AGXT2: variants seen among roughly 807,000 people sequenced by gnomAD.
The protein encoded by AGXT2 is alanine--glyoxylate aminotransferase 2, mitochondrial.
In AGXT2, 61 loss-of-function variants were observed where a neutral mutation model predicts 62.5. That is an observed-to-expected ratio of 0.98 (90% CI 0.79 to 1.21). The LOEUF is 1.21. Ranked by LOEUF, AGXT2 falls within the 50% of genes most tolerant of loss-of-function variation. The pLI is 0.00. For synonymous variants in AGXT2, 243 were observed against 218.7 expected (o/e 1.11, Z -0.98); for missense variants, 666 against 641.5 (o/e 1.04, Z -0.41).
chr5:35,043,372 A>AATT (rs57832163), intron 1 of AGXT2, among the ~76,000 whole-genome samples: 3 of 152,168 alleles, frequency 2.0e-5, no homozygotes, highest in African/African-American at 7.2e-5. Context: ...TTAAAATGCT[A>AATT]ATTATTATTA....
At chr5:35,026,594 G>GAA (rs61293163) in intron 7 of AGXT2, 84 bp from the exon 8 acceptor site, 611 of 897,636 alleles carry the variant, frequency 6.8e-4, no homozygotes, top group African/African-American at 9.1e-4. Flanking sequence ...GGAAAAACAG[G>GAA]AAAAAAAAAA....
chr5:35,036,082 GA>G (rs112575088), intron 4 of AGXT2, among the ~76,000 whole-genome samples: 5 of 148,020 alleles, frequency 3.4e-5, no homozygotes, highest in African/African-American at 1.2e-4. Context: ...GTCTCAAAAA[GA>G]AAAAAAAAAG....
At chr5:35,033,095 T>A (rs1333474213) in intron 6 of AGXT2, 3 of 499,034 alleles carry the variant, frequency 6.0e-6, no homozygotes, top group African/African-American at 1.9e-5. Flanking sequence ...TCTGAAAGAA[T>A]AAGAATAATT....
At chr5:35,006,616 TG>T (rs1241475463) in intron 12 of AGXT2, among the ~76,000 whole-genome samples, 1 of 152,206 alleles carries the variant, frequency 6.6e-6, no homozygotes, top group East Asian at 1.9e-4. Context: ...TACCTCCTAC[TG>T]GCTCCACCTC....
At chr5:35,044,773 T>A (rs1768124254) in intron 1 of AGXT2, among the ~76,000 whole-genome samples, 1 of 152,208 alleles carries the variant, frequency 6.6e-6, no homozygotes, top group Non-Finnish European at 1.5e-5. Flanking sequence ...GGGTGGGTCT[T>A]CTTCCGCACG....
chr5:35,044,779 G>T (rs894885521), intron 1 of AGXT2, among the ~76,000 whole-genome samples: 2 of 152,114 alleles, frequency 1.3e-5, no homozygotes, highest in Non-Finnish European at 2.9e-5. Context: ...GTCTTCTTCC[G>T]CACGTTCGGG....
chr5:35,032,539 G>A (rs1198207089), intron 7 of AGXT2, among the ~76,000 whole-genome samples, 193 bp downstream of exon 7: 2 of 152,214 alleles, frequency 1.3e-5, no homozygotes, highest in Non-Finnish European at 2.9e-5. Flanking sequence ...CAGATGGTCT[G>A]AGAGTGAAGT....
chr5:35,016,450 A>T (rs1472702151), intron 9 of AGXT2, among the ~76,000 whole-genome samples: 1 of 152,248 alleles, frequency 6.6e-6, no homozygotes, highest in African/African-American at 2.4e-5. Context: ...ACACACAAGT[A>T]ACAACATTAC....
intron 1 of AGXT2, among the ~76,000 whole-genome samples, chr5:35,045,751 CTTTTTCTTTTTTCTTT>C (rs1554037179): frequency 7.5e-6 from 1 of 133,224 alleles, no homozygotes; most frequent in African/African-American, 2.8e-5. Flanking sequence ...TGGTTTTTTT[CTTTTTCTTTTTTCTTT>C]TTTTTTTTTT....
intron 9 of AGXT2, among the ~76,000 whole-genome samples, chr5:35,022,926 T>C (rs1391417821): frequency 6.6e-6 from 1 of 151,560 alleles, no homozygotes; most frequent in Non-Finnish European, 1.5e-5. Flanking sequence ...GAGTAGTAAT[T>C]GACGCCCAAA....
intron 11 of AGXT2, among the ~76,000 whole-genome samples, chr5:35,011,913 T>TAC (rs1491129932): frequency 2.6e-5 from 3 of 116,786 alleles, no homozygotes; most frequent in African/African-American, 3.7e-5. Flanking sequence ...AAATGTGGTG[T>TAC]ATACACACAC....
At chr5:35,043,525 A>G (rs1250716283) in intron 1 of AGXT2, among the ~76,000 whole-genome samples, 1 of 152,024 alleles carries the variant, frequency 6.6e-6, no homozygotes, top group Non-Finnish European at 1.5e-5. Context: ...ATGCCCAGGG[A>G]TGATTTCTTT....
chr5:35,034,234 C>T (rs7710234), intron 5 of AGXT2, among the ~76,000 whole-genome samples: 2,767 of 151,832 alleles, frequency 0.018, 78 homozygotes, highest in African/African-American at 0.064. Context: ...ACTTTTGCAC[C>T]GACCTAATGT....
rs2112272031 is a variant in AGXT2, at chr5:35,035,320, G to T, written c.487-4C>A. ...CACTGTTCACCAAGAAAATGACCTG[G>T]AGAGGAAAGGAAGACACGTGGCCTC... is the stretch of plus-strand genomic sequence containing the variant. On this transcript the variant is annotated splice_polypyrimidine_tract_variant and splice_region_variant and intron_variant, in intron 4 of 13. Transcript: ENST00000231420. 1 of 1,613,002 alleles carries T rather than the reference G, an allele frequency of 6.2e-7. No homozygotes were observed. The highest frequency in any genetic ancestry group is 1.7e-5 in the Admixed American group (1 of 60,030).
chr5:35,032,766 T>G lies in AGXT2; in HGVS notation c.735A>C (p.Pro245=). The G allele has an allele frequency of 6.2e-7, 1 of 1,609,886 alleles. No homozygotes were observed. Among genetic ancestry groups the G allele is most frequent in the Non-Finnish European group, 8.5e-7 (1 of 1,178,020 alleles). The part of the protein sequence containing the change: ...PWGGSHCRDS[P]VQTIRKCSCA... ...AGCTGCACTTCCTGATTGTTTGCAC[T>G]GGAGAATCTCGACAGTGGCTTCCTC... is the stretch of plus-strand genomic sequence containing the variant. The change falls in exon 7 of 14, where the codon CCA becomes CCC. Residue 245 remains proline, a synonymous_variant. Coordinates refer to ENST00000231420, the MANE Select transcript of AGXT2 (RefSeq NM_031900.4).
chr5:35,002,786 G>GA (rs1766282626), intron 13 of AGXT2, among the ~76,000 whole-genome samples: 1 of 151,820 alleles, frequency 6.6e-6, no homozygotes, highest in South Asian at 2.1e-4. Context: ...TGGGGGGGGG[G>GA]ACTAACACGG....
At chr5:35,039,910 G>A (rs924212447) in intron 2 of AGXT2, among the ~76,000 whole-genome samples, 2 of 152,168 alleles carry the variant, frequency 1.3e-5, no homozygotes, top group African/African-American at 4.8e-5. Flanking sequence ...TGCTAGTCGT[G>A]TTTGTATCTT....
chr5:35,028,357 C>T (rs914839004), intron 7 of AGXT2, among the ~76,000 whole-genome samples: 4 of 152,056 alleles, frequency 2.6e-5, no homozygotes, highest in African/African-American at 9.7e-5. Context: ...CTTTCTAATC[C>T]TGCTTAAAGA....
At position 35,047,947 on chromosome 5, in the gene AGXT2, A is replaced by G; in HGVS notation, c.-55T>C. 1.2e-6 allele frequency: 2 copies of G among 1,610,728 alleles called. No homozygotes were observed. Among genetic ancestry groups the G allele is most frequent in the Non-Finnish European group, 1.7e-6 (2 of 1,178,404 alleles). On this transcript the variant is annotated 5_prime_UTR_variant, in exon 1 of 14. Coordinates refer to ENST00000231420, the MANE Select transcript of AGXT2 (RefSeq NM_031900.4). ...GAAGCAGATTGGAGGCCGGGCTCTA[A>G]CTGCTCACTATCCTGCTGGACTTTG...
Sources: allele counts gnomAD v4.1 joint callset (sites outside exome capture counted in the v4.1 genomes callset), GRCh38; gene constraint gnomAD v4.1.1; transcripts MANE v1.5; gene names NCBI Gene and HGNC (gene_info 2026-07-23, HGNC 2026-07-21).